Variants in RFT1 observed in about 807,000 individuals in gnomAD.
The protein encoded by RFT1 is man(5)GlcNAc(2)-PP-dolichol translocation protein RFT1.
RFT1 carries 43 observed loss-of-function variants against 62.2 expected under a neutral mutation model. That is an observed-to-expected ratio of 0.69 (90% CI 0.54 to 0.89). RFT1 has a LOEUF of 0.89. Among genes scored for constraint, RFT1 ranks in the 40% least tolerant of loss-of-function variants. The pLI, the probability that RFT1 is intolerant of heterozygous loss-of-function variation, is 0.00. For synonymous variants in RFT1, 262 were observed against 264.6 expected (o/e 0.99, Z 0.10); for missense variants, 605 against 649.9 (o/e 0.93, Z 0.75).
chr3:53,099,251 G>A (rs1701240711), intron 11 of RFT1, 130 bp downstream of exon 11: 1 of 742,458 alleles, frequency 1.3e-6, no homozygotes, highest in African/African-American at 1.7e-5. Context: ...GCACCACACT[G>A]GTGGACTAAG....
At chr3:53,117,575 G>A (rs1023578058) in intron 6 of RFT1, among the ~76,000 whole-genome samples, 3 of 152,280 alleles carry the variant, frequency 2.0e-5, no homozygotes, top group Middle Eastern at 3.4e-3. Flanking sequence ...TCAGGGCTTG[G>A]GTCCTCGCAG....
intron 2 of RFT1, among the ~76,000 whole-genome samples, chr3:53,125,149 T>A (rs925250453): frequency 2.0e-5 from 3 of 152,144 alleles, no homozygotes; most frequent in African/African-American, 7.2e-5. Context: ...AAAGCTTGAG[T>A]CCTGCCACTA....
At chr3:53,110,704 G>GT (rs1701624193) in intron 7 of RFT1, among the ~76,000 whole-genome samples, 1 of 151,940 alleles carries the variant, frequency 6.6e-6, no homozygotes, top group Non-Finnish European at 1.5e-5. Context: ...TAGAATGCTA[G>GT]TATTATTTTT....
chr3:53,094,480 C>CTAAAA (rs1476567821), intron 11 of RFT1, among the ~76,000 whole-genome samples: 1 of 151,996 alleles, frequency 6.6e-6, no homozygotes, highest in Middle Eastern at 3.2e-3. Context: ...CAGAGAGAGT[C>CTAAAA]TCTTTTAATG....
At chr3:53,120,884 A>G (rs530405293) in intron 5 of RFT1, among the ~76,000 whole-genome samples, 24 of 152,304 alleles carry the variant, frequency 1.6e-4, no homozygotes, top group African/African-American at 5.8e-4. Context: ...GACAAAGCCC[A>G]TCATCCACCA....
In RFT1 at chr3:53,123,749, G is replaced by A. The variant is rs768515586; in HGVS notation, c.241C>T (p.Gln81Ter). The A allele has an allele frequency of 1.4e-5, 23 of 1,614,108 alleles. No homozygotes were observed. The highest frequency in any genetic ancestry group is 1.9e-5 in the Non-Finnish European group (23 of 1,179,920). Residue 81 changes from glutamine (Q) to a stop codon, truncating the protein, a stop_gained, in exon 3 of 13, where the codon CAG becomes TAG. Transcript: ENST00000296292. LOFTEE classifies it high-confidence loss of function. ...LSGGTQRDWS[Q>*]TLNLLWLTVP... The stretch of plus-strand genomic sequence containing the variant: ...GTTAGCCACAGCAGGTTGAGGGTCT[G>A]GCTCCAGTCTCGCTGGGTGCCCCCA...
At chr3:53,116,511 C>T (rs1701804921) in intron 6 of RFT1, among the ~76,000 whole-genome samples, 1 of 151,360 alleles carries the variant, frequency 6.6e-6, no homozygotes, top group Admixed American at 6.6e-5. Context: ...CCAGGCTGGT[C>T]TCAAACTCCT....
Position 53,122,497 on chromosome 3 carries a change from A to G in RFT1, c.333T>C (p.Pro111=). 1.2e-6 allele frequency: 2 copies of G among 1,614,090 alleles called. No homozygotes were observed. The highest frequency in any genetic ancestry group is 2.7e-5 in the African/African-American group (2 of 75,040). ...GWIWLQLLEV[P]DPNVVPHYAT... ...CATAGTGAGGGACAACATTAGGATC[A>G]GGCACTTCAAGCAGCTGCAACCAGA... The change falls in exon 4 of 13, where the codon CCT becomes CCC. Residue 111 remains proline (P), a synonymous_variant. Coordinates refer to ENST00000296292, the MANE Select transcript of RFT1 (RefSeq NM_052859.4).
chr3:53,104,456 T>C (rs1369727689), intron 9 of RFT1, among the ~76,000 whole-genome samples: 1 of 152,096 alleles, frequency 6.6e-6, no homozygotes, highest in South Asian at 2.1e-4. Context: ...CTCAAACTCC[T>C]GGCCTCAAGC....
intron 7 of RFT1, among the ~76,000 whole-genome samples, chr3:53,107,735 T>C (rs2107122714): frequency 6.6e-6 from 1 of 152,008 alleles, no homozygotes; most frequent in African/African-American, 2.4e-5. Context: ...CCCCATCCCC[T>C]TGGCTTTCAT....
At chr3:53,115,379 G>C (rs982187388) in intron 6 of RFT1, among the ~76,000 whole-genome samples, 2 of 152,140 alleles carry the variant, frequency 1.3e-5, no homozygotes, top group African/African-American at 4.8e-5. Flanking sequence ...CTCTGTAAGA[G>C]ACGGCAAGCT....
chr3:53,081,760 T>G, the RFT1 span, among the ~76,000 whole-genome samples: 11 of 152,314 alleles, frequency 7.2e-5, no homozygotes, highest in Middle Eastern at 3.4e-3. Context: ...ATAATTTTTT[T>G]GGGCCAGATT....
chr3:53,067,761 C>A, the RFT1 span, among the ~76,000 whole-genome samples: 2,066 of 152,202 alleles, frequency 0.014, 28 homozygotes, highest in South Asian at 0.025. Flanking sequence ...TTAGTGCTTC[C>A]TTTTTTCAAC....
Position 53,100,611 on chromosome 3 carries a change from T to C in RFT1, c.1103-1125A>G, listed in dbSNP as rs968428284. Among the ~76,000 whole-genome samples the C allele has an allele frequency of 3.9e-5, 6 of 152,172 alleles. No individual in the cohort carries two copies. The East Asian group carries it at 7.7e-4, about 20-fold the overall frequency. ...AAAGATAATAAAAATCACTGATCCATGCGAAACCATGGAAGAATCTCAAAA... is the reference window on the plus strand; with the variant it reads ...AAAGATAATAAAAATCACTGATCCACGCGAAACCATGGAAGAATCTCAAAA... On this transcript the variant is annotated intron_variant, in intron 10 of 12. Coordinates refer to ENST00000296292, the MANE Select transcript of RFT1 (RefSeq NM_052859.4).
At chr3:53,070,248 T>G in the RFT1 span, among the ~76,000 whole-genome samples, 2 of 151,910 alleles carry the variant, frequency 1.3e-5, no homozygotes, top group Admixed American at 1.3e-4. Flanking sequence ...AGACCTCGTC[T>G]CTTGAAAAAA....
At chr3:53,095,307 G>C (rs963187124) in intron 11 of RFT1, among the ~76,000 whole-genome samples, 1 of 152,016 alleles carries the variant, frequency 6.6e-6, no homozygotes, top group African/African-American at 2.4e-5. Flanking sequence ...ATTATTAATC[G>C]GTGACAATAT....
At chr3:53,086,000 T>G (rs370754359), downstream of RFT1, 85 of 152,380 alleles carry the variant, frequency 5.6e-4, no homozygotes, top group African/African-American at 2.0e-3. Context: ...ATAATGGGAC[T>G]GATTATGCCA....
intron 3 of RFT1, among the ~76,000 whole-genome samples, chr3:53,123,407 G>A (rs1356203193): frequency 1.3e-5 from 2 of 152,200 alleles, no homozygotes; most frequent in Non-Finnish European, 2.9e-5. Flanking sequence ...AGATGGCACA[G>A]GCCAAGTGGA....
intron 9 of RFT1, among the ~76,000 whole-genome samples, chr3:53,104,658 A>T (rs1575488518): frequency 6.6e-6 from 1 of 152,260 alleles, no homozygotes; most frequent in Non-Finnish European, 1.5e-5. Flanking sequence ...CCTAAATCAG[A>T]CTGAGTACCA....
Sources: allele counts gnomAD v4.1 joint callset (sites outside exome capture counted in the v4.1 genomes callset), GRCh38; gene constraint gnomAD v4.1.1; transcripts MANE v1.5; gene names NCBI Gene and HGNC (gene_info 2026-07-23, HGNC 2026-07-21).